Variants in WDFY4 observed in about 807,000 individuals in gnomAD.
WDFY4 encodes WDFY family member 4, also known as WD repeat- and FYVE domain-containing protein 4.
Under a neutral mutation model 351.9 loss-of-function variants are expected in WDFY4, and 169 were observed. That is an observed-to-expected ratio of 0.48 (90% confidence interval 0.42 to 0.55). The LOEUF is 0.55. Ranked by LOEUF, WDFY4 falls within the 20% of genes least tolerant of loss-of-function variation. The pLI is 0.00. For missense variants in WDFY4, 3,803 were observed against 3,935.6 expected, an observed-to-expected ratio of 0.97 and a Z score of 0.90; for synonymous variants, 1,622 against 1,574.6, an observed-to-expected ratio of 1.03 and a Z score of -0.71.
intron 50 of WDFY4, 123 bp from the exon 51 acceptor site, chr10:48,946,737 C>T: frequency 2.7e-6 from 2 of 729,064 alleles, no homozygotes; most frequent in South Asian, 3.6e-5. Flanking sequence ...TAGGTCTGTT[C>T]ACTTCCTAAA....
chr10:48,803,446 C>T, intron 25 of WDFY4, 87 bp downstream of exon 25: 3 of 1,328,086 alleles, frequency 2.3e-6, no homozygotes, highest in Non-Finnish European at 3.1e-6. Context: ...GTGGCTCTTC[C>T]CTGCTCCCAG....
chr10:48,815,916 G>A lies in WDFY4; in HGVS notation c.5341-1329G>A, dbSNP rs138788615. On this transcript the variant is annotated intron_variant, in intron 31 of 61. Transcript: ENST00000325239. ...GTTTTTGTTGAAAAATATTTTTCAG[G>A]TTTTGACATCAGTATTATGCTAATA... is the stretch of plus-strand genomic sequence containing the variant. 1.7e-3 allele frequency among the ~76,000 whole-genome samples: 261 copies of A among 151,910 alleles called. 1 individual carries two copies. The highest frequency in any genetic ancestry group is 5.7e-3 in the African/African-American group (238 of 41,454).
At position 48,766,847 on chromosome 10, in the gene WDFY4, A is replaced by G. The variant is rs114362007; in HGVS notation, c.2553+6407A>G. Among the ~76,000 whole-genome samples, 735 of 152,346 alleles carry G rather than the reference A, an allele frequency of 4.8e-3. 6 individuals carry two copies. Among genetic ancestry groups the G allele is most frequent in the African/African-American group, 0.016 (683 of 41,594 alleles). On this transcript the variant is annotated intron_variant, in intron 13 of 61. Transcript: ENST00000325239. ...CTGGATCACAGAGATCACAGACTCAACATCTCGGGTCCAGAGAGGTAATGA... is the reference window on the plus strand; with the variant it reads ...CTGGATCACAGAGATCACAGACTCAGCATCTCGGGTCCAGAGAGGTAATGA...
chr10:48,759,950 A>G (rs1475543128), intron 12 of WDFY4, among the ~76,000 whole-genome samples: 1 of 151,952 alleles, frequency 6.6e-6, no homozygotes, highest in East Asian at 1.9e-4. Flanking sequence ...GTGTGCTTAC[A>G]CCATTTTGAA....
chr10:48,779,911 G>T, intron 18 of WDFY4, 30 bp from the exon 19 acceptor site: 1 of 1,550,360 alleles, frequency 6.5e-7, no homozygotes, highest in Non-Finnish European at 8.7e-7. Flanking sequence ...AGCACCACAC[G>T]TGAGACTCAG....
Position 48,820,418 on chromosome 10 carries a change from CCCTGGAGGTGCT to C in WDFY4, c.5701_5709+3del. 2 of 1,551,238 alleles carry C rather than the reference CCCTGGAGGTGCT, an allele frequency of 1.3e-6. No individual in the cohort carries two copies. Among genetic ancestry groups the C allele is most frequent in the Non-Finnish European group, 1.7e-6 (2 of 1,146,802 alleles). ...GCCTCCAGCCCCAAGCAGTGGCTGC[CCCTGGAGGTGCT>C]CCTGGAGGTGGGTTGGAAAAGGTGA... On this transcript the variant is annotated inframe_deletion, in exon 33 of 62. Transcript: ENST00000325239.
chr10:48,941,381 G>A (rs1157533156), intron 47 of WDFY4, among the ~76,000 whole-genome samples: 1 of 152,208 alleles, frequency 6.6e-6, no homozygotes, highest in African/African-American at 2.4e-5. Context: ...CCCTTCTTGG[G>A]AGACCCTTAG....
intron 23 of WDFY4, among the ~76,000 whole-genome samples, chr10:48,791,132 C>T (rs2066664265): frequency 6.6e-6 from 1 of 152,258 alleles, no homozygotes; most frequent in African/African-American, 2.4e-5. Flanking sequence ...TGAGGATGCT[C>T]ACCTGATTGT....
At chr10:48,700,313 TG>T (rs1451096770) in intron 1 of WDFY4, among the ~76,000 whole-genome samples, 1 of 152,198 alleles carries the variant, frequency 6.6e-6, no homozygotes, top group Non-Finnish European at 1.5e-5. Flanking sequence ...GACTGTGCTT[TG>T]GGGGCCCTTT....
chr10:48,913,558 C>T, intron 47 of WDFY4: 1 of 1,614,146 alleles, frequency 6.2e-7, no homozygotes, highest in Non-Finnish European at 8.5e-7. Context: ...TCCTCCACAA[C>T]ATACAAGTTC....
intron 12 of WDFY4, among the ~76,000 whole-genome samples, chr10:48,744,237 T>C: frequency 6.6e-6 from 1 of 152,196 alleles, no homozygotes; most frequent in East Asian, 1.9e-4. Context: ...GGTGTCTTTT[T>C]CCATTCCTCT....
In WDFY4 at chr10:48,709,920, T is replaced by C. The variant is rs567725571; in HGVS notation, c.188T>C (p.Ile63Thr). 49 of 1,552,222 alleles carry C rather than the reference T, an allele frequency of 3.2e-5. 1 individual carries two copies. The highest frequency in any genetic ancestry group is 1.4e-4 in the African/African-American group (10 of 73,194). ...CAGCAGTTGACTCACAAGAGCCCCATTGAGCGTCAGAAGAGCCTGTTGAGT... is the reference window on the plus strand; with the variant it reads ...CAGCAGTTGACTCACAAGAGCCCCACTGAGCGTCAGAAGAGCCTGTTGAGT... ...EYQQLTHKSP[I>T]ERQKSLLSLL... is the part of the protein sequence containing the mutation. The change falls in exon 2 of 62, where the codon ATT becomes ACT. Residue 63 changes from isoleucine (I) to threonine (T), a missense_variant. Ile to Thr is a moderately conservative substitution (Grantham distance 89, BLOSUM62 -1). Transcript: ENST00000325239.
chr10:48,845,326 C>T (rs1316044771), intron 39 of WDFY4, among the ~76,000 whole-genome samples: 1 of 152,212 alleles, frequency 6.6e-6, no homozygotes, highest in Non-Finnish European at 1.5e-5. Context: ...TTCCTTCAAC[C>T]TCCCCCACAC....
At chr10:48,968,792 C>T (rs1187238889) in intron 55 of WDFY4, 3 of 457,178 alleles carry the variant, frequency 6.6e-6, no homozygotes, top group Non-Finnish European at 1.2e-5. Flanking sequence ...CTGGGGGTGG[C>T]TCCCAGAGTG....
At chr10:48,922,055 G>C (rs10745286) in intron 47 of WDFY4, among the ~76,000 whole-genome samples, 1 of 152,030 alleles carries the variant, frequency 6.6e-6, no homozygotes, top group Admixed American at 6.5e-5. Flanking sequence ...GCCCCAAACA[G>C]AAAAATAATA....
chr10:48,732,588 C>T (rs907165630), intron 9 of WDFY4, among the ~76,000 whole-genome samples: 10 of 152,194 alleles, frequency 6.6e-5, no homozygotes, highest in African/African-American at 2.4e-4. Context: ...CCTGGCCATG[C>T]TACTGACAAA....
intron 11 of WDFY4, 97 bp from the exon 12 acceptor site, chr10:48,742,871 G>C: frequency 2.6e-6 from 3 of 1,157,176 alleles, no homozygotes; most frequent in Non-Finnish European, 3.6e-6. Context: ...AAGTCGTTGA[G>C]GGAAGAGCTA....
intron 39 of WDFY4, among the ~76,000 whole-genome samples, chr10:48,847,322 CT>C (rs1442671271): frequency 6.6e-6 from 1 of 152,174 alleles, no homozygotes; most frequent in Non-Finnish European, 1.5e-5. Flanking sequence ...TTTAAAGGCC[CT>C]GTCTCCAAAT....
chr10:48,760,259 C>G (rs1340157446), intron 12 of WDFY4, 88 bp from the exon 13 acceptor site: 1 of 1,216,844 alleles, frequency 8.2e-7, no homozygotes, highest in Admixed American at 2.0e-5. Flanking sequence ...CATGATCTGT[C>G]TTAGAAAGAA....
Sources: allele counts gnomAD v4.1 joint callset (sites outside exome capture counted in the v4.1 genomes callset), GRCh38; gene constraint gnomAD v4.1.1; transcripts MANE v1.5; gene names NCBI Gene and HGNC (gene_info 2026-07-23, HGNC 2026-07-21).